Variants in FBXL18 observed in about 807,000 individuals in gnomAD.
FBXL18 encodes F-box/LRR-repeat protein 18.
In FBXL18, 36 loss-of-function variants were observed where a neutral mutation model predicts 46.0. The ratio of observed to expected loss-of-function variants is 0.78; its 90% CI spans 0.60 to 1.03. The LOEUF is 1.03. Among genes scored for constraint, FBXL18 ranks in the 50% least tolerant of loss-of-function variants. FBXL18 has a pLI of 0.00. For missense variants in FBXL18, 977 were observed against 1,004.1 expected, an observed-to-expected ratio of 0.97 and a Z score of 0.36; for synonymous variants, 557 against 465.3, an observed-to-expected ratio of 1.20 and a Z score of -2.54.
In FBXL18 at chr7:5,500,567, G is replaced by C. The variant is rs374448951; in HGVS notation, c.1702C>G (p.Leu568Val). Residue 568 changes from leucine to valine, a missense_variant, in exon 3 of 5, where the codon CTG (leucine) becomes GTG (valine). Coordinates refer to ENST00000382368, the MANE Select transcript of FBXL18 (RefSeq NM_024963.6). The part of the protein sequence containing the change: ...QQLRSLSLAN[L>V]GMMGKVVYMP... ...TACACCACCTTCCCCATCATGCCCA[G>C]GTTGGCCAGCGACAGGGACCGCAAC... 1 of 1,613,614 alleles carries C rather than the reference G, an allele frequency of 6.2e-7. No homozygotes were observed. Among genetic ancestry groups the C allele is most frequent in the Non-Finnish European group, 8.5e-7 (1 of 1,179,900 alleles).
chr7:5,513,767 G>T lies in FBXL18; in HGVS notation c.-93C>A, dbSNP rs1025703588. 5 of 1,504,998 alleles carry T rather than the reference G, an allele frequency of 3.3e-6. No individual in the cohort carries two copies. Among genetic ancestry groups the T allele is most frequent in the Non-Finnish European group, 3.6e-6 (4 of 1,114,060 alleles). 93.2% of individuals were successfully genotyped at this position (1,504,998 alleles called of 1,614,324 possible). On this transcript the variant is annotated 5_prime_UTR_variant, in exon 1 of 5. Transcript: ENST00000382368. ...GATGCTCGAAGCCGGCGCGTCCACC[G>T]CTCAACCGAGACCCCGGCAAGGAGC...
rs760568963 is a variant in FBXL18 at position 5,501,441 on chromosome 7, G to A, written c.828C>T (p.Ser276=). The A allele has an allele frequency of 9.3e-6, 15 of 1,612,086 alleles. No individual in the cohort carries two copies. The East Asian group carries it at 1.3e-4, about 14-fold the overall frequency. Residue 276 remains serine, a synonymous_variant, in exon 3 of 5, where the codon AGC becomes AGT. Coordinates refer to ENST00000382368, the MANE Select transcript of FBXL18 (RefSeq NM_024963.6). ...AGTCCAGGAGGTTCTTGGTGGCGCC[G>A]CTCTCCGCGAAGCTGCCAGGGACGG... is the stretch of plus-strand genomic sequence containing the variant. ...LISVPGSFAE[S]GATKNLLDSM... is the part of the protein sequence containing the mutation.
intron 4 of FBXL18, among the ~76,000 whole-genome samples, chr7:5,462,740 A>G (rs1783265627): frequency 6.6e-6 from 1 of 151,552 alleles, no homozygotes; most frequent in South Asian, 2.1e-4. Flanking sequence ...TCACGAGGTC[A>G]GGAGATTCAG....
At chr7:5,494,643 G>A (rs759011508) in intron 3 of FBXL18, among the ~76,000 whole-genome samples, 29 of 152,274 alleles carry the variant, frequency 1.9e-4, no homozygotes, top group Non-Finnish European at 3.4e-4. Context: ...GGTGGGAAAC[G>A]GGAAGGGGTA....
chr7:5,461,466 T>C (rs1783245474), intron 4 of FBXL18, among the ~76,000 whole-genome samples: 1 of 152,174 alleles, frequency 6.6e-6, no homozygotes, highest in African/African-American at 2.4e-5. Flanking sequence ...ACCAACCTAA[T>C]TACAAGACGC....
intron 3 of FBXL18, among the ~76,000 whole-genome samples, chr7:5,494,867 G>A (rs753028556): frequency 1.2e-4 from 19 of 152,154 alleles, no homozygotes; most frequent in Non-Finnish European, 2.5e-4. Context: ...AGTCTGCAGA[G>A]CGTGGAAAAA....
chr7:5,503,413 T>C (rs1325379092), intron 2 of FBXL18, among the ~76,000 whole-genome samples: 1 of 152,064 alleles, frequency 6.6e-6, no homozygotes, highest in Non-Finnish European at 1.5e-5. Flanking sequence ...AGCACAGTGG[T>C]ACAACAATAG....
chr7:5,507,744 G>A (rs898988215), intron 1 of FBXL18, among the ~76,000 whole-genome samples: 11 of 151,856 alleles, frequency 7.2e-5, no homozygotes, highest in African/African-American at 2.7e-4. Flanking sequence ...TGAGGCAGGA[G>A]AATCGCTTGA....
At chr7:5,499,779 G>T (rs561501244) in intron 3 of FBXL18, among the ~76,000 whole-genome samples, 6 of 151,252 alleles carry the variant, frequency 4.0e-5, no homozygotes, top group African/African-American at 1.2e-4. Flanking sequence ...GGAGGCCAAG[G>T]GTGGTGGCTC....
chr7:5,486,062 AAAATAAATAAATAAAT>A (rs36047680), intron 4 of FBXL18, among the ~76,000 whole-genome samples: 1,769 of 139,750 alleles, frequency 0.013, 20 homozygotes, highest in Middle Eastern at 0.053. Flanking sequence ...CTGTCTCAAA[AAAATAAATAAATAAAT>A]AAATAAATAA....
chr7:5,471,044 C>G (rs145810655), downstream of FBXL18, among the ~76,000 whole-genome samples: 810 of 152,330 alleles, frequency 5.3e-3, 7 homozygotes, highest in African/African-American at 0.019. Flanking sequence ...CCACTAGCTG[C>G]GTGGCCTTAA....
Position 5,477,465 on chromosome 7 carries a change from G to A in FBXL18, c.*4310C>T, listed in dbSNP as rs1457337737. Among the ~76,000 whole-genome samples, 1 of 152,158 alleles carries A rather than the reference G, an allele frequency of 6.6e-6. No homozygotes were observed. The highest frequency in any genetic ancestry group is 1.9e-4 in the East Asian group (1 of 5,184). On this transcript the variant is annotated 3_prime_UTR_variant, in exon 5 of 5. Transcript: ENST00000382368. This position sits in a 1 kb window ranked among gnomAD's most constrained non-coding sequence, Gnocchi z 4.4. The stretch of plus-strand genomic sequence containing the variant: ...CACCTGTTATCCTAGCACTTTGGGA[G>A]GCCGAGGCAGGAGAATCACTTGAGG...
chr7:5,493,672 CGTGCGTGCGTGCGT>C (rs1562694236), intron 3 of FBXL18, among the ~76,000 whole-genome samples: 3 of 132,794 alleles, frequency 2.3e-5, no homozygotes, highest in Non-Finnish European at 3.3e-5. Flanking sequence ...TGTGTGCGTG[CGTGCGTGCGTGCGT>C]GTGTGTGTGT....
chr7:5,457,773 G>T (rs990176929), intron 4 of FBXL18, among the ~76,000 whole-genome samples: 48 of 152,330 alleles, frequency 3.2e-4, no homozygotes, highest in African/African-American at 1.1e-3. Flanking sequence ...GCTGGCCTGG[G>T]GAATGGGTCC....
At chr7:5,483,894 G>A (rs535479410) in intron 4 of FBXL18, among the ~76,000 whole-genome samples, 4 of 152,302 alleles carry the variant, frequency 2.6e-5, no homozygotes, top group East Asian at 3.9e-4. Context: ...GGAAGAGGAC[G>A]ACGGGGTCCA....
At chr7:5,487,523 G>A (rs879882828) in intron 4 of FBXL18, among the ~76,000 whole-genome samples, 2 of 152,128 alleles carry the variant, frequency 1.3e-5, no homozygotes, top group Admixed American at 6.6e-5. Flanking sequence ...TCCCCGACAC[G>A]GCCCCTCTCC....
intron 1 of FBXL18, among the ~76,000 whole-genome samples, chr7:5,511,048 G>A (rs1475327130): frequency 1.3e-5 from 2 of 152,184 alleles, no homozygotes; most frequent in Non-Finnish European, 2.9e-5. Flanking sequence ...TTGTAGAGAT[G>A]GAGTTTTGCC....
At chr7:5,460,096 C>CA (rs1164506464) in intron 4 of FBXL18, among the ~76,000 whole-genome samples, 1 of 151,314 alleles carries the variant, frequency 6.6e-6, no homozygotes, top group Non-Finnish European at 1.5e-5. Flanking sequence ...CCCATCTCTA[C>CA]AAAAAAAATA....
At chr7:5,489,823 G>A in intron 4 of FBXL18, 1 of 370,050 alleles carries the variant, frequency 2.7e-6, no homozygotes, top group Middle Eastern at 4.1e-4. Context: ...AGGTATAGTG[G>A]TGCACACTTG....
Sources: gnomAD v4.1 joint callset for allele counts (sites outside exome capture counted in the v4.1 genomes callset) on GRCh38, gnomAD v4.1.1 for gene constraint, Gnocchi (gnomAD v3.1) non-coding constraint, MANE v1.5 for transcripts, NCBI Gene and HGNC (gene_info 2026-07-23, HGNC 2026-07-21) for gene names.